Variants in PPME1 observed in about 807,000 individuals in gnomAD.
PPME1 encodes the protein testicular secretory protein Li 39.
Under a neutral mutation model 56.9 loss-of-function variants are expected in PPME1, and 17 were observed. That is an observed-to-expected ratio of 0.30 (90% confidence interval 0.20 to 0.45). The LOEUF is 0.45. Among genes scored for constraint, PPME1 ranks in the 20% least tolerant of loss-of-function variants. PPME1 has a pLI of 1.00. For missense variants in PPME1, 357 were observed against 483.2 expected (o/e 0.74, Z 2.45); for synonymous variants, 122 against 156.2 (o/e 0.78, Z 1.63).
intron 1 of PPME1, among the ~76,000 whole-genome samples, chr11:74,176,230 T>C (rs986702314): frequency 7.0e-4 from 107 of 152,330 alleles, no homozygotes; most frequent in African/African-American, 2.5e-3. Flanking sequence ...TGTTATCAGC[T>C]TTTTTGTCCC....
Position 74,227,079 on chromosome 11 carries a change from C to G in PPME1, c.398+1823C>G, listed in dbSNP as rs540469007. On this transcript the variant is annotated intron_variant, in intron 5 of 13. Coordinates refer to ENST00000328257, the MANE Select transcript of PPME1 (RefSeq NM_016147.3). ...AAGCTATTCGTGGGGAGGATCTCACCAGAGGCACTTGGCTACAAAAACACT... is the reference window on the plus strand; with the variant it reads ...AAGCTATTCGTGGGGAGGATCTCACGAGAGGCACTTGGCTACAAAAACACT... 2.0e-5 allele frequency among the ~76,000 whole-genome samples: 3 copies of G among 152,208 alleles called. No individual in the cohort carries two copies. In the South Asian group the frequency reaches 6.2e-4, roughly 32 times the overall value.
Position 74,207,434 on chromosome 11 carries a change from A to G in PPME1, c.288+2989A>G, listed in dbSNP as rs182083544. ...AACAAAAACAAACAAACAAACAACCATAAAGCACTTGGGAAACTTTTATCT... is the reference window on the plus strand; with the variant it reads ...AACAAAAACAAACAAACAAACAACCGTAAAGCACTTGGGAAACTTTTATCT... On this transcript the variant is annotated intron_variant, in intron 3 of 13. Transcript: ENST00000328257. 5.3e-5 allele frequency among the ~76,000 whole-genome samples: 8 copies of G among 152,370 alleles called. No individual in the cohort carries two copies. In the East Asian group the frequency reaches 9.6e-4, roughly 18 times the overall value.
At chr11:74,226,260 ACT>A (rs2135655573) in intron 5 of PPME1, among the ~76,000 whole-genome samples, 1 of 152,230 alleles carries the variant, frequency 6.6e-6, no homozygotes, top group East Asian at 1.9e-4. Flanking sequence ...CTCATTATTA[ACT>A]CTGTAATACA....
At chr11:74,248,805 A>T (rs926328155) in intron 11 of PPME1, 6 of 152,232 alleles carry the variant, frequency 3.9e-5, no homozygotes, top group African/African-American at 1.4e-4. Flanking sequence ...GAAGAATCAG[A>T]TATGGCCCCT....
chr11:74,217,854 T>G (rs1302429369), intron 3 of PPME1, among the ~76,000 whole-genome samples: 5 of 152,156 alleles, frequency 3.3e-5, no homozygotes, highest in African/African-American at 4.8e-5. Flanking sequence ...AGTTGAAACC[T>G]TTCTTGTAAG....
chr11:74,190,104 C>G (rs1041838974), intron 1 of PPME1, among the ~76,000 whole-genome samples: 1 of 152,200 alleles, frequency 6.6e-6, no homozygotes, highest in African/African-American at 2.4e-5. Flanking sequence ...AAGACAAAAA[C>G]CATTGTTAAT....
rs1285226424 is a variant in PPME1, at chr11:74,230,319, G to A, written c.473G>A (p.Gly158Asp). Residue 158 changes from glycine (G) to aspartate (D), a missense_variant, in exon 6 of 14, where the codon GGT becomes GAT. Coordinates refer to ENST00000328257, the MANE Select transcript of PPME1 (RefSeq NM_016147.3). The surrounding 1 kb of genome is among the most constrained non-coding windows in gnomAD (Gnocchi z 4.9). ...ATTATGCTGATTGGACATAGCATGG[G>A]TGGTGCTATTGCAGTCCACACAGCA... ...PPIMLIGHSM[G>D]GAIAVHTASS... is the part of the protein sequence containing the mutation. 1 of 1,613,626 alleles carries A rather than the reference G, an allele frequency of 6.2e-7. No homozygotes were observed. Among genetic ancestry groups the A allele is most frequent in the East Asian group, 2.2e-5 (1 of 44,876 alleles).
rs1443662892 is a variant in PPME1, at chr11:74,214,439, C to A, written c.289-7873C>A. 2.0e-5 allele frequency among the ~76,000 whole-genome samples: 3 copies of A among 152,142 alleles called. No homozygotes were observed. The South Asian group carries it at 6.2e-4, about 32-fold the overall frequency. ...GAGTTAATAACAGAACTTCCCAAACCTAGAGAAACATATCAGTATTCAAAT... is the reference window on the plus strand; with the variant it reads ...GAGTTAATAACAGAACTTCCCAAACATAGAGAAACATATCAGTATTCAAAT... On this transcript the variant is annotated intron_variant, in intron 3 of 13. Coordinates refer to ENST00000328257, the MANE Select transcript of PPME1 (RefSeq NM_016147.3).
chr11:74,225,280 A>G (rs2135654013), intron 5 of PPME1, 24 bp downstream of exon 5: 4 of 1,486,414 alleles, frequency 2.7e-6, no homozygotes, highest in East Asian at 2.4e-5. Flanking sequence ...TATTTCTTAT[A>G]CATTGCCTGT....
At chr11:74,251,307 A>C in intron 12 of PPME1, 6 of 1,364,258 alleles carry the variant, frequency 4.4e-6, no homozygotes, top group Non-Finnish European at 5.7e-6. Context: ...GAGATGGAAG[A>C]GGGATGATTA....
chr11:74,238,105 A>AAT (rs1859242862), intron 8 of PPME1: 2 of 152,086 alleles, frequency 1.3e-5, no homozygotes, highest in African/African-American at 4.8e-5. Context: ...ATCCAGGTGA[A>AAT]ATTGCCTTGA....
At chr11:74,232,860 ATTTTTT>A (rs35057762) in intron 7 of PPME1, among the ~76,000 whole-genome samples, 20 of 93,844 alleles carry the variant, frequency 2.1e-4, no homozygotes, top group South Asian at 1.4e-3. Flanking sequence ...TTGTTATTTG[ATTTTTT>A]TTTTTTTTTT....
At position 74,197,534 on chromosome 11, in the gene PPME1, T is replaced by C. The variant is rs115354570; in HGVS notation, c.102-6194T>C. 4.3e-3 allele frequency among the ~76,000 whole-genome samples: 652 copies of C among 152,310 alleles called. 4 individuals carry two copies. The highest frequency in any genetic ancestry group is 0.015 in the African/African-American group (628 of 41,586). On this transcript the variant is annotated intron_variant, in intron 1 of 13. Transcript: ENST00000328257. Reference sequence around the variant, plus strand: ...CATCTTTGATCCTCATAATAACGCCTATAAAATTGGTACTATAATCCCCTA... The same window carrying C: ...CATCTTTGATCCTCATAATAACGCCCATAAAATTGGTACTATAATCCCCTA...
chr11:74,249,351 C>T (rs2064215875), intron 11 of PPME1: 1 of 152,182 alleles, frequency 6.6e-6, no homozygotes, highest in Non-Finnish European at 1.5e-5. Flanking sequence ...CTCTCTGAAC[C>T]TAAGGCTCCT....
At chr11:74,219,178 A>G (rs574438552) in intron 3 of PPME1, among the ~76,000 whole-genome samples, 1 of 152,268 alleles carries the variant, frequency 6.6e-6, no homozygotes, top group African/African-American at 2.4e-5. Flanking sequence ...TGAAAACTAT[A>G]ATGAGGTATC....
chr11:74,211,208 A>G, intron 3 of PPME1, among the ~76,000 whole-genome samples: 1 of 152,220 alleles, frequency 6.6e-6, no homozygotes, highest in East Asian at 1.9e-4. Flanking sequence ...GAATATGGAA[A>G]TAAGTTATGT....
intron 3 of PPME1, among the ~76,000 whole-genome samples, chr11:74,215,754 A>G (rs1284019130): frequency 1.3e-5 from 2 of 152,216 alleles, no homozygotes; most frequent in African/African-American, 2.4e-5. Context: ...CCTGTTGCCT[A>G]CTAGAAACAC....
rs981942124 is a variant in PPME1, at chr11:74,253,561, G to T, written c.*51G>T. On this transcript the variant is annotated 3_prime_UTR_variant, in exon 14 of 14. Transcript: ENST00000328257. The stretch of plus-strand genomic sequence containing the variant: ...CATCGAGCTCTGTTGTAAATACGTC[G>T]CACCAGAGGCCACTGTGATGCCACT... 1 of 1,553,480 alleles carries T rather than the reference G, an allele frequency of 6.4e-7. No individual in the cohort carries two copies. Among genetic ancestry groups the T allele is most frequent in the Non-Finnish European group, 8.9e-7 (1 of 1,125,282 alleles).
rs1478524472 is a variant in PPME1 at position 74,172,891 on chromosome 11, AT to A, written c.101+1370del. Among the ~76,000 whole-genome samples, 4 of 152,324 alleles carry A rather than the reference AT, an allele frequency of 2.6e-5. No individual in the cohort carries two copies. The South Asian group carries it at 6.2e-4, about 24-fold the overall frequency. On this transcript the variant is annotated intron_variant, in intron 1 of 13. Transcript: ENST00000328257. ...GAAGAAGTAATATGTGTAAAAACTT[AT>A]CAAAAAGGAGGCGAGAGTAGGAGAT...
Sources: gnomAD v4.1 joint callset for allele counts (sites outside exome capture counted in the v4.1 genomes callset) on GRCh38, gnomAD v4.1.1 for gene constraint, Gnocchi (gnomAD v3.1) non-coding constraint, MANE v1.5 for transcripts, NCBI Gene and HGNC (gene_info 2026-07-23, HGNC 2026-07-21) for gene names.